The following GPBP1 variants were observed in gnomAD, a reference collection of about 807,000 sequenced individuals.
GPBP1 encodes the protein GC-rich promoter binding protein 1, also known as vasculin.
A neutral mutation model predicts 56.5 loss-of-function variants in GPBP1; 13 were observed. The observed-to-expected ratio is 0.23, with a 90% CI of 0.15 to 0.37. The LOEUF (loss-of-function observed/expected upper bound fraction) is 0.37, where lower values mean the gene tolerates loss of function less well. GPBP1 is among the 10% of genes least tolerant of loss of function. The pLI is 1.00. For synonymous variants in GPBP1, 204 were observed against 188.9 expected (o/e 1.08, Z -0.66); for missense variants, 477 against 572.3 (o/e 0.83, Z 1.70).
chr5:57,175,937 CAG>C lies in GPBP1; in HGVS notation c.-518_-517del, dbSNP rs1753773955. ...TCTGAATGAAGAGATTGAAAGAATA[CAG>C]AGTTTTTTTCCTTTTATCTTTTATT... On this transcript the variant is annotated 5_prime_UTR_variant, in exon 2 of 12. It removes the in-frame stop codon of an upstream open reading frame in the 5' UTR. Transcript: ENST00000506184. 2 of 398,376 alleles carry C rather than the reference CAG, an allele frequency of 5.0e-6. No individual in the cohort carries two copies. The highest frequency in any genetic ancestry group is 1.3e-4 in the South Asian group (1 of 7,862). 24.7% of individuals were successfully genotyped at this position (398,376 alleles called of 1,614,324 possible). A position where few individuals can be genotyped will look rare whatever the true frequency, so the allele number is the denominator to read the frequency against.
chr5:57,253,565 A>G (rs1211882792), intron 10 of GPBP1, among the ~76,000 whole-genome samples: 3 of 152,214 alleles, frequency 2.0e-5, no homozygotes, highest in Non-Finnish European at 4.4e-5. Context: ...CTTGTTCACT[A>G]TATCTAGCAC....
chr5:57,226,411 G>C (rs1756191083), intron 3 of GPBP1, among the ~76,000 whole-genome samples: 1 of 152,050 alleles, frequency 6.6e-6, no homozygotes, highest in Admixed American at 6.6e-5. Context: ...AATGAATTTT[G>C]TTCTAGTCTC....
chr5:57,200,544 T>A (rs1271261627), intron 2 of GPBP1, among the ~76,000 whole-genome samples: 2 of 151,814 alleles, frequency 1.3e-5, no homozygotes, highest in Non-Finnish European at 2.9e-5. Flanking sequence ...ATTTTTTGTA[T>A]CTTTAGTAGA....
At chr5:57,261,400 G>T in intron 11 of GPBP1, 118 bp downstream of exon 11, 7 of 601,964 alleles carry the variant, frequency 1.2e-5, no homozygotes, top group South Asian at 4.1e-5. Context: ...GGTCAGAATT[G>T]CTTTTAAAAA....
At chr5:57,231,366 C>G (rs1465371386) in intron 5 of GPBP1, 45 bp downstream of exon 5, 8 of 1,476,158 alleles carry the variant, frequency 5.4e-6, no homozygotes, top group Non-Finnish European at 7.5e-6. Flanking sequence ...TCTGTAAGTG[C>G]TATTTTAAGT....
rs574849139 is a variant in GPBP1, at chr5:57,214,078, T to G, written c.-53T>G. 1 of 1,452,584 alleles carries G rather than the reference T, an allele frequency of 6.9e-7. No individual in the cohort carries two copies. Among genetic ancestry groups the G allele is most frequent in the East Asian group, 2.3e-5 (1 of 44,116 alleles). 90.0% of individuals were successfully genotyped at this position (1,452,584 alleles called of 1,614,324 possible). The stretch of plus-strand genomic sequence containing the variant: ...CCTTCCATTTTTATGTGACAGGGAC[T>G]TGCCATGAGGTGTTGAAGCCTTGTT... On this transcript the variant is annotated 5_prime_UTR_variant, in exon 3 of 12. Coordinates refer to ENST00000506184, the MANE Select transcript of GPBP1 (RefSeq NM_022913.4).
chr5:57,253,333 A>G (rs1232667809), intron 10 of GPBP1, among the ~76,000 whole-genome samples: 4 of 152,216 alleles, frequency 2.6e-5, no homozygotes, highest in African/African-American at 7.2e-5. Context: ...TAACTTAAAA[A>G]GTCTTACATC....
At chr5:57,178,171 A>G (rs775060447) in intron 2 of GPBP1, among the ~76,000 whole-genome samples, 1 of 152,240 alleles carries the variant, frequency 6.6e-6, no homozygotes, top group Non-Finnish European at 1.5e-5. Flanking sequence ...AACAATATGC[A>G]TCTTAAATAA....
chr5:57,251,575 C>CTT (rs201993755), intron 10 of GPBP1, among the ~76,000 whole-genome samples: 40 of 133,270 alleles, frequency 3.0e-4, no homozygotes, highest in East Asian at 1.3e-3. Flanking sequence ...GTTTCCACCT[C>CTT]TTTTTTTTTT....
intron 6 of GPBP1, among the ~76,000 whole-genome samples, chr5:57,236,762 A>T (rs1159891273): frequency 6.6e-6 from 1 of 152,140 alleles, no homozygotes; most frequent in Non-Finnish European, 1.5e-5. Flanking sequence ...TGAAAAATAA[A>T]ATTAATCATT....
chr5:57,248,759 C>A (rs1232591071), intron 8 of GPBP1: 1 of 152,158 alleles, frequency 6.6e-6, no homozygotes, highest in African/African-American at 2.4e-5. Context: ...AATTTTTGAG[C>A]TTTGAGGGAA....
At position 57,249,656 on chromosome 5, in the gene GPBP1, A is replaced by G. The variant is rs1332841152; in HGVS notation, c.972+80A>G. The G allele has an allele frequency of 2.7e-6, 3 of 1,124,922 alleles. No homozygotes were observed. The East Asian group carries it at 8.2e-5, about 31-fold the overall frequency. 69.7% of individuals were successfully genotyped at this position (1,124,922 alleles called of 1,614,324 possible). ...TGAGCATGTATTAGGACCTTGGAAT[A>G]CATTTGAATCATTTCCTTGGAAAGA... is the stretch of plus-strand genomic sequence containing the variant. On this transcript the variant is annotated intron_variant, in intron 9 of 11. Coordinates refer to ENST00000506184, the MANE Select transcript of GPBP1 (RefSeq NM_022913.4).
chr5:57,180,602 A>G (rs942737840), intron 2 of GPBP1, among the ~76,000 whole-genome samples: 2 of 152,192 alleles, frequency 1.3e-5, no homozygotes, highest in Admixed American at 6.5e-5. Flanking sequence ...TTGGTTTAGG[A>G]TATGGAATAT....
At chr5:57,231,576 A>G (rs1397894619) in intron 5 of GPBP1, among the ~76,000 whole-genome samples, 3 of 152,312 alleles carry the variant, frequency 2.0e-5, no homozygotes. Flanking sequence ...GCACTGAGCC[A>G]CTGTACACTG....
chr5:57,219,807 CT>C (rs1326901551), intron 3 of GPBP1, among the ~76,000 whole-genome samples: 22 of 152,088 alleles, frequency 1.4e-4, no homozygotes, highest in African/African-American at 5.3e-4. Flanking sequence ...AATCCCAGCA[CT>C]TTGGGAGGCC....
chr5:57,213,314 G>A (rs887238245), intron 2 of GPBP1, among the ~76,000 whole-genome samples: 5 of 152,290 alleles, frequency 3.3e-5, no homozygotes, highest in East Asian at 1.9e-4. Flanking sequence ...GCCTCCCAAA[G>A]TGCTGGGATG....
intron 10 of GPBP1, among the ~76,000 whole-genome samples, chr5:57,251,554 G>A (rs1278344411): frequency 6.7e-6 from 1 of 149,512 alleles, no homozygotes; most frequent in African/African-American, 2.5e-5. Flanking sequence ...ATCAGTTGAT[G>A]AATATTAGTT....
chr5:57,260,275 TGCTGCTGCTTCTGTGAGG>T (rs1436276248), intron 10 of GPBP1, among the ~76,000 whole-genome samples: 2 of 152,236 alleles, frequency 1.3e-5, no homozygotes, highest in African/African-American at 4.8e-5. Context: ...GGGGATGATC[TGCTGCTGCTTCTGTGAGG>T]GCTTCATCTT....
chr5:57,200,645 G>A (rs1182972897), intron 2 of GPBP1, among the ~76,000 whole-genome samples: 1 of 151,912 alleles, frequency 6.6e-6, no homozygotes, highest in Non-Finnish European at 1.5e-5. Context: ...GAGATTACAG[G>A]TGTCAGCCAC....
Sources: gnomAD v4.1 joint callset for allele counts (sites outside exome capture counted in the v4.1 genomes callset) on GRCh38, gnomAD v4.1.1 for gene constraint, MANE v1.5 for transcripts, NCBI Gene and HGNC (gene_info 2026-07-23, HGNC 2026-07-21) for gene names.